CBFA2T2: variants seen among roughly 807,000 people sequenced by gnomAD.
CBFA2T2 encodes the protein protein CBFA2T2.
A neutral mutation model predicts 62.2 loss-of-function variants in CBFA2T2; 11 were observed. The observed-to-expected ratio is 0.18, with a 90% CI of 0.11 to 0.29. The LOEUF is 0.29. Among genes scored for constraint, CBFA2T2 ranks in the 10% least tolerant of loss-of-function variants. The probability of loss-of-function intolerance (pLI) is 1.00; values close to 1 mark genes in which losing one functional copy is unlikely to be tolerated. For synonymous variants in CBFA2T2, 295 were observed against 287.5 expected (o/e 1.03, Z -0.27); for missense variants, 592 against 774.1 (o/e 0.76, Z 2.79).
At position 33,622,430 on chromosome 20, in the gene CBFA2T2, GT is replaced by G. The variant is rs957208342; in HGVS notation, c.511-677del. ...GAGAAAAATATAATTTCTACTTTAT[GT>G]TTTTTTTAATAAAAATGGGAAAAGT... On this transcript the variant is annotated intron_variant, in intron 4 of 10. Transcript: ENST00000342704. 2.1e-4 allele frequency among the ~76,000 whole-genome samples: 32 copies of G among 152,098 alleles called. No homozygotes were observed. The East Asian group carries it at 4.6e-3, about 22-fold the overall frequency.
chr20:33,510,491 G>A (rs1159852979), intron 1 of CBFA2T2, among the ~76,000 whole-genome samples: 1 of 152,210 alleles, frequency 6.6e-6, no homozygotes, highest in East Asian at 1.9e-4. Flanking sequence ...GATTACAGGC[G>A]TGAGCCACCA....
intron 1 of CBFA2T2, among the ~76,000 whole-genome samples, chr20:33,494,243 GTATATATATATA>G (rs869164142): frequency 5.9e-4 from 18 of 30,322 alleles, no homozygotes; most frequent in African/African-American, 1.7e-3. Flanking sequence ...ATATATATGT[GTATATATATATA>G]TATATATATA....
At position 33,581,468 on chromosome 20, in the gene CBFA2T2, G is replaced by A. The variant is rs1307694161; in HGVS notation, c.35-25488G>A. 2.0e-5 allele frequency among the ~76,000 whole-genome samples: 3 copies of A among 150,862 alleles called. No individual in the cohort carries two copies. The East Asian group carries it at 5.8e-4, about 29-fold the overall frequency. On this transcript the variant is annotated intron_variant, in intron 1 of 10. Coordinates refer to ENST00000342704, the MANE Select transcript of CBFA2T2 (RefSeq NM_001032999.3). The stretch of plus-strand genomic sequence containing the variant: ...TTTGTACTGTAACTCAAGGTTTTTT[G>A]TTTTTTGTTCTTTGTGTGTGTGTGT...
At chr20:33,605,538 G>T (rs1288636950) in intron 1 of CBFA2T2, among the ~76,000 whole-genome samples, 13 of 152,156 alleles carry the variant, frequency 8.5e-5, no homozygotes, top group Non-Finnish European at 1.9e-4. Context: ...TCTGATTCCT[G>T]TTAGCTCAGA....
chr20:33,610,783 C>T (rs1268588701), intron 2 of CBFA2T2, among the ~76,000 whole-genome samples: 1 of 152,108 alleles, frequency 6.6e-6, no homozygotes, highest in Non-Finnish European at 1.5e-5. Context: ...GGCCCAGACC[C>T]ATCTCAAGCA....
intron 1 of CBFA2T2, among the ~76,000 whole-genome samples, chr20:33,571,322 G>A (rs1360499892): frequency 2.0e-5 from 3 of 152,062 alleles, no homozygotes; most frequent in African/African-American, 7.2e-5. Flanking sequence ...CTCACATTTT[G>A]TACGCACAAA....
At chr20:33,557,589 C>T (rs1421501026) in intron 1 of CBFA2T2, among the ~76,000 whole-genome samples, 3 of 152,078 alleles carry the variant, frequency 2.0e-5, no homozygotes, top group Non-Finnish European at 4.4e-5. Flanking sequence ...TCACTGCAGC[C>T]TCAAACTCCT....
chr20:33,582,665 G>A (rs1005903335), intron 1 of CBFA2T2, among the ~76,000 whole-genome samples: 1 of 151,822 alleles, frequency 6.6e-6, no homozygotes, highest in African/African-American at 2.4e-5. Context: ...TACTATGCCG[G>A]GTGCGGTGAC....
chr20:33,633,602 A>C (rs1052020378), intron 8 of CBFA2T2, among the ~76,000 whole-genome samples: 1 of 152,246 alleles, frequency 6.6e-6, no homozygotes. Context: ...GACAGCAAGC[A>C]GTGTATTTAG....
At chr20:33,564,725 A>G (rs959018292) in intron 1 of CBFA2T2, among the ~76,000 whole-genome samples, 1 of 151,782 alleles carries the variant, frequency 6.6e-6, no homozygotes, top group Non-Finnish European at 1.5e-5. Flanking sequence ...GACCACAGGC[A>G]CGCACCACCA....
chr20:33,574,708 G>T (rs1179774541), intron 1 of CBFA2T2, among the ~76,000 whole-genome samples: 1 of 152,214 alleles, frequency 6.6e-6, no homozygotes, highest in African/African-American at 2.4e-5. Flanking sequence ...TTTTGAGATG[G>T]AGGCTTCTGG....
chr20:33,519,538 C>A (rs1018190766), intron 1 of CBFA2T2, among the ~76,000 whole-genome samples: 1 of 151,978 alleles, frequency 6.6e-6, no homozygotes, highest in Non-Finnish European at 1.5e-5. Flanking sequence ...AATATTATAC[C>A]ATTTTACGTA....
intron 1 of CBFA2T2, among the ~76,000 whole-genome samples, chr20:33,532,709 T>A (rs144780878): frequency 7.2e-4 from 109 of 152,352 alleles, no homozygotes; most frequent in Middle Eastern, 3.4e-3. Flanking sequence ...ATCTTGTGTT[T>A]CAGTTGTATT....
At chr20:33,535,582 C>G (rs989447882) in intron 1 of CBFA2T2, among the ~76,000 whole-genome samples, 1 of 147,948 alleles carries the variant, frequency 6.8e-6, no homozygotes, top group African/African-American at 2.5e-5. Context: ...GGCAGGAAGT[C>G]TGGGCATGGA....
intron 1 of CBFA2T2, among the ~76,000 whole-genome samples, chr20:33,593,613 G>A (rs1451789412): frequency 1.3e-5 from 2 of 151,870 alleles, no homozygotes; most frequent in African/African-American, 4.8e-5. Flanking sequence ...GGCTGGTCTC[G>A]AGCTCCTGAC....
intron 1 of CBFA2T2, among the ~76,000 whole-genome samples, chr20:33,545,439 C>CTCTTTCTTTCTT (rs142619958): frequency 0.025 from 3,716 of 148,244 alleles, 87 homozygotes; most frequent in African/African-American, 0.045. Flanking sequence ...CTCTTTCTTT[C>CTCTTTCTTTCTT]TCTTTCTTTC....
At chr20:33,547,674 C>A (rs1424012989) in intron 1 of CBFA2T2, among the ~76,000 whole-genome samples, 2 of 147,992 alleles carry the variant, frequency 1.4e-5, no homozygotes, top group African/African-American at 5.1e-5. Flanking sequence ...GAGCGAGACC[C>A]TGTCTCAAAA....
intron 1 of CBFA2T2, among the ~76,000 whole-genome samples, chr20:33,585,944 T>C (rs939910669): frequency 2.0e-5 from 3 of 152,236 alleles, no homozygotes; most frequent in African/African-American, 7.2e-5. Context: ...AATTGAAAGT[T>C]AACTTTTGAA....
rs576374408 is a variant in CBFA2T2, at chr20:33,517,455, T to TG, written c.34+27154_34+27155insG. On this transcript the variant is annotated intron_variant, in intron 1 of 10. Transcript: ENST00000342704. ...TGGTTTTTTTGGTTTTTTTGGTGTTTTTTTTTTTTTTTGAGACAGAGTCTC... is the reference window on the plus strand; with the variant it reads ...TGGTTTTTTTGGTTTTTTTGGTGTTTGTTTTTTTTTTTTGAGACAGAGTCTC... Among the ~76,000 whole-genome samples, 545 of 150,466 alleles carry TG rather than the reference T, an allele frequency of 3.6e-3. 6 individuals are homozygous for TG. The highest frequency in any genetic ancestry group is 0.013 in the African/African-American group (521 of 41,010).
Sources: allele counts gnomAD v4.1 joint callset (sites outside exome capture counted in the v4.1 genomes callset), GRCh38; gene constraint gnomAD v4.1.1; transcripts MANE v1.5; gene names NCBI Gene and HGNC (gene_info 2026-07-23, HGNC 2026-07-21).